ZNF83: variants seen among roughly 807,000 people sequenced by gnomAD.
The protein encoded by ZNF83 is zinc finger protein 83, also known as zinc finger protein 816B.
For missense variants in ZNF83, 552 were observed against 629.9 expected (o/e 0.88, Z 1.32); for synonymous variants, 209 against 213.0 (o/e 0.98, Z 0.17).
chr19:52,636,799 G>C (rs2061161431), intron 1 of ZNF83: 1 of 151,478 alleles, frequency 6.6e-6, no homozygotes, highest in Non-Finnish European at 1.5e-5. Flanking sequence ...GGGATTACAG[G>C]TGCACACTAT....
At chr19:52,643,459 TG>T (rs907926073) in intron 3 of ZNF83, among the ~76,000 whole-genome samples, 9 of 55,300 alleles carry the variant, frequency 1.6e-4, no homozygotes, top group African/African-American at 7.7e-4. Flanking sequence ...CCTAGCACGT[TG>T]GGAGGCTGAG....
chr19:52,633,171 T>C (rs964314517), intron 2 of ZNF83, among the ~76,000 whole-genome samples: 3 of 152,180 alleles, frequency 2.0e-5, no homozygotes, highest in Admixed American at 1.3e-4. Flanking sequence ...TGGCTCATCC[T>C]GGCTCAAAAG....
intron 3 of ZNF83, among the ~76,000 whole-genome samples, chr19:52,649,445 C>T (rs747226570): frequency 5.3e-5 from 8 of 152,080 alleles, no homozygotes; most frequent in African/African-American, 7.2e-5. Context: ...AGTTTGGGAA[C>T]GTAAATACCT....
At chr19:52,639,413 CTATT>C (rs1005966677), upstream of ZNF83, among the ~76,000 whole-genome samples, 58 of 53,856 alleles carry the variant, frequency 1.1e-3, no homozygotes, top group Middle Eastern at 0.029. Context: ...TTAGTTTTTT[CTATT>C]TTTTTTTTTT....
intron 2 of ZNF83, among the ~76,000 whole-genome samples, chr19:52,625,336 A>G (rs1250982020): frequency 6.6e-6 from 1 of 151,896 alleles, no homozygotes; most frequent in Non-Finnish European, 1.5e-5. Context: ...TTTCCCCCCT[A>G]TGCAAGTGTC....
chr19:52,640,338 A>C (rs1330707639), upstream of ZNF83, among the ~76,000 whole-genome samples: 1 of 152,180 alleles, frequency 6.6e-6, no homozygotes, highest in Non-Finnish European at 1.5e-5. Context: ...ACACACAGGG[A>C]AAGACAGAGA....
intron 3 of ZNF83, chr19:52,655,419 C>G: frequency 1.2e-6 from 1 of 805,742 alleles, no homozygotes; most frequent in Non-Finnish European, 2.0e-6. Flanking sequence ...CTATGACAGA[C>G]AGGAGGATCA....
At chr19:52,632,868 A>G (rs894267274) in intron 2 of ZNF83, among the ~76,000 whole-genome samples, 1 of 151,846 alleles carries the variant, frequency 6.6e-6, no homozygotes, top group Admixed American at 6.6e-5. Context: ...TTACCACAAA[A>G]TCTTCCTTCA....
chr19:52,672,279 T>A (rs560845196), intron 1 of ZNF83, among the ~76,000 whole-genome samples: 2 of 152,314 alleles, frequency 1.3e-5, no homozygotes, highest in East Asian at 3.9e-4. Flanking sequence ...ATCACCTCAT[T>A]TCTGCATGTA....
intron 1 of ZNF83, among the ~76,000 whole-genome samples, chr19:52,677,938 G>C (rs532472467): frequency 6.6e-6 from 1 of 151,960 alleles, no homozygotes; most frequent in Non-Finnish European, 1.5e-5. Context: ...GGGAGGCTGA[G>C]GCAGGAGAAT....
chr19:52,646,562 ATTAG>A (rs1006087033), intron 3 of ZNF83, among the ~76,000 whole-genome samples: 2 of 152,280 alleles, frequency 1.3e-5, no homozygotes, highest in South Asian at 2.1e-4. Flanking sequence ...ATATTAATTA[ATTAG>A]TTAATTAAAT....
chr19:52,687,863 A>T (rs2062073620), intron 1 of ZNF83, among the ~76,000 whole-genome samples: 1 of 150,712 alleles, frequency 6.6e-6, no homozygotes. Context: ...TTGTGTAATA[A>T]CAGAAAGTGA....
intron 2 of ZNF83, among the ~76,000 whole-genome samples, chr19:52,659,287 C>T (rs973243631): frequency 1.3e-5 from 2 of 151,990 alleles, no homozygotes; most frequent in Non-Finnish European, 2.9e-5. Flanking sequence ...AAAACAAAGG[C>T]AAAGAAGGAT....
At chr19:52,616,166 C>T (rs1468483858) in intron 2 of ZNF83, among the ~76,000 whole-genome samples, 1 of 152,160 alleles carries the variant, frequency 6.6e-6, no homozygotes, top group Non-Finnish European at 1.5e-5. Flanking sequence ...AGTAACTTTT[C>T]CATCTTTACA....
chr19:52,663,159 T>A (rs1421380967), intron 1 of ZNF83, among the ~76,000 whole-genome samples: 1 of 151,432 alleles, frequency 6.6e-6, no homozygotes, highest in African/African-American at 2.4e-5. Context: ...TGACACTCCA[T>A]CTCAAAAAAG....
chr19:52,672,788 C>T (rs963436716), intron 1 of ZNF83, among the ~76,000 whole-genome samples: 3 of 152,014 alleles, frequency 2.0e-5, no homozygotes, highest in African/African-American at 4.8e-5. Context: ...TTAGTAGAGA[C>T]GGGGTTTCAC....
At chr19:52,634,978 CTT>C in intron 2 of ZNF83, 86 bp downstream of exon 2, 1 of 452,458 alleles carries the variant, frequency 2.2e-6, no homozygotes, top group Non-Finnish European at 3.8e-6. Flanking sequence ...CAGGACACTT[CTT>C]GAGACCCAGA....
intron 1 of ZNF83, among the ~76,000 whole-genome samples, chr19:52,679,436 C>T (rs866129904): frequency 1.7e-4 from 26 of 152,224 alleles, no homozygotes; most frequent in African/African-American, 5.8e-4. Context: ...CAAGATGAAA[C>T]TCCGACTCTA....
intron 2 of ZNF83, among the ~76,000 whole-genome samples, chr19:52,631,140 G>A (rs12462478): frequency 0.21 from 30,296 of 144,890 alleles, 3,735 homozygotes; most frequent in East Asian, 0.46. Context: ...ACTGCCGCAA[G>A]GCTTCACAGA....
Sources: allele counts gnomAD v4.1 joint callset (sites outside exome capture counted in the v4.1 genomes callset), GRCh38; gene constraint gnomAD v4.1.1; transcripts MANE v1.5; gene names NCBI Gene and HGNC (gene_info 2026-07-23, HGNC 2026-07-21).